Variants in RORA observed in about 807,000 individuals in gnomAD.
RORA encodes the protein RAR related orphan receptor A, also known as nuclear receptor ROR-alpha.
Under a neutral mutation model 69.5 loss-of-function variants are expected in RORA, and 7 were observed. The observed-to-expected ratio is 0.10, with a 90% CI of 0.06 to 0.19. RORA has a LOEUF of 0.19. Ranked by LOEUF, RORA falls within the 10% of genes least tolerant of loss-of-function variation. The pLI is 1.00. For synonymous variants in RORA, 261 were observed against 240.8 expected (o/e 1.08, Z -0.78); for missense variants, 457 against 663.0 (o/e 0.69, Z 3.41).
intron 1 of RORA, among the ~76,000 whole-genome samples, chr15:60,688,646 C>T (rs1419589659): frequency 6.6e-6 from 1 of 152,068 alleles, no homozygotes; most frequent in African/African-American, 2.4e-5. Flanking sequence ...TTCAGGAGTG[C>T]CCTATGGTGA....
chr15:60,744,578 A>G (rs1188384996), intron 1 of RORA, among the ~76,000 whole-genome samples: 1 of 152,152 alleles, frequency 6.6e-6, no homozygotes, highest in Admixed American at 6.5e-5. Flanking sequence ...TCACCAGCAA[A>G]CTGGGGGGCA....
At chr15:60,760,215 G>A (rs941827841) in intron 1 of RORA, among the ~76,000 whole-genome samples, 5 of 151,932 alleles carry the variant, frequency 3.3e-5, no homozygotes, top group African/African-American at 1.2e-4. Context: ...TCAATTGATC[G>A]TTGGGGTGGA....
intron 3 of RORA, chr15:60,530,627 T>TAACA (rs1181370416): frequency 5.3e-5 from 8 of 152,250 alleles, no homozygotes; most frequent in Non-Finnish European, 8.8e-5. Flanking sequence ...TTACCATGAC[T>TAACA]AACAGTAAAA....
At chr15:61,202,543 T>C (rs1193846254) in intron 1 of RORA, among the ~76,000 whole-genome samples, 2 of 152,128 alleles carry the variant, frequency 1.3e-5, no homozygotes, top group Non-Finnish European at 2.9e-5. Flanking sequence ...CTCACCTTCA[T>C]CTACACATAC....
chr15:60,559,819 C>A (rs2067479382), intron 2 of RORA, among the ~76,000 whole-genome samples: 1 of 152,186 alleles, frequency 6.6e-6, no homozygotes, highest in African/African-American at 2.4e-5. Context: ...CAAGACATGG[C>A]AAATTGATTC....
At chr15:60,643,384 C>T (rs2069980120) in intron 2 of RORA, among the ~76,000 whole-genome samples, 1 of 152,104 alleles carries the variant, frequency 6.6e-6, no homozygotes. Context: ...GTTTTATATT[C>T]TGACTTGGAA....
At chr15:60,837,781 GTTTC>G (rs1232169078) in intron 1 of RORA, among the ~76,000 whole-genome samples, 1 of 151,742 alleles carries the variant, frequency 6.6e-6, no homozygotes, top group Non-Finnish European at 1.5e-5. Context: ...GCATCTGATT[GTTTC>G]TTCTCAGGTT....
chr15:60,918,871 C>T (rs1044245059), intron 1 of RORA, among the ~76,000 whole-genome samples: 2 of 152,050 alleles, frequency 1.3e-5, no homozygotes, highest in Non-Finnish European at 2.9e-5. Flanking sequence ...CCAGGAATTA[C>T]CAACTTGTTA....
chr15:60,766,381 C>A (rs1842708), intron 1 of RORA, among the ~76,000 whole-genome samples: 2 of 151,352 alleles, frequency 1.3e-5, no homozygotes, highest in African/African-American at 2.4e-5. Context: ...ATTTAAAAAG[C>A]CTTCGACAGA....
chr15:60,513,949 T>G (rs4774365), intron 4 of RORA, among the ~76,000 whole-genome samples: 8,285 of 152,320 alleles, frequency 0.054, 749 homozygotes, highest in African/African-American at 0.19. Context: ...TTTCCACGTA[T>G]AAGCATAACT....
intron 1 of RORA, among the ~76,000 whole-genome samples, chr15:61,053,847 T>TTATATATA (rs1413041814): frequency 2.9e-4 from 1 of 3,414 alleles, no homozygotes; most frequent in Non-Finnish European, 6.5e-4. Context: ...TTAGACTTCA[T>TTATATATA]GATATATATA....
intron 1 of RORA, among the ~76,000 whole-genome samples, chr15:61,161,913 A>G (rs2079499290): frequency 6.6e-6 from 1 of 152,232 alleles, no homozygotes; most frequent in African/African-American, 2.4e-5. Context: ...TGAACTGTAT[A>G]TGCAGCCACT....
At chr15:61,094,907 T>C (rs2078766082) in intron 1 of RORA, among the ~76,000 whole-genome samples, 1 of 152,196 alleles carries the variant, frequency 6.6e-6, no homozygotes, top group Non-Finnish European at 1.5e-5. Context: ...AAGATGCTAC[T>C]GGAGCGGGTT....
intron 1 of RORA, among the ~76,000 whole-genome samples, chr15:61,191,944 T>C (rs1418639737): frequency 6.6e-6 from 1 of 152,256 alleles, no homozygotes; most frequent in Admixed American, 6.5e-5. Flanking sequence ...AAAGCCTGCC[T>C]AGAATGAAGA....
chr15:61,008,996 CAG>C (rs1364729123), intron 1 of RORA, among the ~76,000 whole-genome samples: 1 of 152,156 alleles, frequency 6.6e-6, no homozygotes, highest in African/African-American at 2.4e-5. Flanking sequence ...AACATCCTAT[CAG>C]AGTCTCGGTT....
intron 1 of RORA, among the ~76,000 whole-genome samples, chr15:60,780,813 C>G (rs564592562): frequency 6.6e-6 from 1 of 152,162 alleles, no homozygotes; most frequent in Non-Finnish European, 1.5e-5. Flanking sequence ...GAGGCAGACA[C>G]GGTCCCTACA....
Position 60,867,891 on chromosome 15 carries a change from C to T in RORA, c.167-189205G>A, listed in dbSNP as rs571432148. Among the ~76,000 whole-genome samples the T allele has an allele frequency of 2.0e-5, 3 of 152,208 alleles. No individual in the cohort carries two copies. The South Asian group carries it at 6.2e-4, about 32-fold the overall frequency. On this transcript the variant is annotated intron_variant, in intron 1 of 10. Transcript: ENST00000335670. ...GTGAAATACGAAATAAATTGATGCACTCTTTCTTGTTCTATATAATATGTA... is the reference window on the plus strand; with the variant it reads ...GTGAAATACGAAATAAATTGATGCATTCTTTCTTGTTCTATATAATATGTA...
At chr15:60,797,445 T>C (rs185543841) in intron 1 of RORA, among the ~76,000 whole-genome samples, 1 of 152,268 alleles carries the variant, frequency 6.6e-6, no homozygotes, top group African/African-American at 2.4e-5. Context: ...TGAGAAATGA[T>C]TCCTAATAAG....
chr15:61,038,443 T>A (rs1365354811), intron 1 of RORA, among the ~76,000 whole-genome samples: 1 of 152,190 alleles, frequency 6.6e-6, no homozygotes, highest in Non-Finnish European at 1.5e-5. Context: ...ATAGAACCAA[T>A]CTGAATTCAA....
Sources: gnomAD v4.1 joint callset for allele counts (sites outside exome capture counted in the v4.1 genomes callset) on GRCh38, gnomAD v4.1.1 for gene constraint, MANE v1.5 for transcripts, NCBI Gene and HGNC (gene_info 2026-07-23, HGNC 2026-07-21) for gene names.